Variants in VAX2 observed in about 807,000 individuals in gnomAD.
VAX2 encodes ventral anterior homeobox 2.
Under a neutral mutation model 12.5 loss-of-function variants are expected in VAX2, and 8 were observed. That is an observed-to-expected ratio of 0.64 (90% CI 0.37 to 1.15). The LOEUF is 1.15. VAX2 is among the 50% of genes most tolerant of loss of function. The pLI, the probability that VAX2 is intolerant of heterozygous loss-of-function variation, is 0.01. For missense variants in VAX2, 476 were observed against 412.9 expected (o/e 1.15, Z -1.32); for synonymous variants, 183 against 187.6 (o/e 0.98, Z 0.20).
chr2:70,905,894 G>A (rs1406982076), intron 1 of VAX2, among the ~76,000 whole-genome samples: 1 of 152,238 alleles, frequency 6.6e-6, no homozygotes. Flanking sequence ...GGGTGTCTAT[G>A]CATCACGTTG....
chr2:70,933,275 C>T lies in VAX2; in HGVS notation c.*71C>T. 7.2e-7 allele frequency: 1 copy of T among 1,393,362 alleles called. No individual in the cohort carries two copies. 86.3% of individuals were successfully genotyped at this position (1,393,362 alleles called of 1,614,324 possible). A position where few individuals can be genotyped will look rare whatever the true frequency, so the allele number is the denominator to read the frequency against. On this transcript the variant is annotated 3_prime_UTR_variant, in exon 3 of 3. Transcript: ENST00000234392. Reference sequence around the variant, plus strand: ...GTCTCCTGTGCCCCAGCGGACAGCACTGAGCAGGCCCCGGAGAGGAGGGGC... The same window carrying T: ...GTCTCCTGTGCCCCAGCGGACAGCATTGAGCAGGCCCCGGAGAGGAGGGGC...
chr2:70,906,219 C>T (rs61014031), intron 1 of VAX2, among the ~76,000 whole-genome samples: 3,427 of 152,290 alleles, frequency 0.023, 140 homozygotes, highest in African/African-American at 0.078. Context: ...TTCCTCATAC[C>T]CCCAACCCAG....
chr2:70,917,036 A>G (rs1679319850), intron 1 of VAX2, among the ~76,000 whole-genome samples: 1 of 151,642 alleles, frequency 6.6e-6, no homozygotes, highest in Admixed American at 6.6e-5. Flanking sequence ...CTGTAATCCC[A>G]GCTACTTAGG....
chr2:70,903,984 G>A (rs912801216), intron 1 of VAX2, among the ~76,000 whole-genome samples: 1 of 152,190 alleles, frequency 6.6e-6, no homozygotes. Context: ...GAGCCAAAGA[G>A]GCCAAACGTG....
intron 1 of VAX2, among the ~76,000 whole-genome samples, chr2:70,918,863 CAAAAAA>C (rs531465293): frequency 2.0e-5 from 2 of 99,458 alleles, no homozygotes; most frequent in Non-Finnish European, 3.9e-5. Context: ...CCAGCCGTCT[CAAAAAA>C]AAAAAAAAAA....
chr2:70,908,077 TTGAC>T (rs1679099533), intron 1 of VAX2, among the ~76,000 whole-genome samples: 1 of 152,254 alleles, frequency 6.6e-6, no homozygotes, highest in Non-Finnish European at 1.5e-5. Flanking sequence ...TTCTAGACCT[TTGAC>T]TGTTTCTGTG....
chr2:70,911,859 CTG>C (rs1347999464), intron 1 of VAX2, among the ~76,000 whole-genome samples: 3 of 152,350 alleles, frequency 2.0e-5, no homozygotes, highest in Admixed American at 6.5e-5. Flanking sequence ...TTCTCCCCAT[CTG>C]TCTCTTACCC....
At chr2:70,910,250 C>T (rs189797842) in intron 1 of VAX2, among the ~76,000 whole-genome samples, 5 of 152,148 alleles carry the variant, frequency 3.3e-5, no homozygotes, top group South Asian at 2.1e-4. Flanking sequence ...ATAGGTATAT[C>T]GGAGCTCATT....
intron 2 of VAX2, among the ~76,000 whole-genome samples, chr2:70,929,142 C>T (rs1318091468): frequency 6.6e-6 from 1 of 152,238 alleles, no homozygotes; most frequent in African/African-American, 2.4e-5. Context: ...TTTCTTCTTT[C>T]CAGTCATTGC....
intron 2 of VAX2, among the ~76,000 whole-genome samples, chr2:70,923,856 G>A (rs1679513448): frequency 6.6e-6 from 1 of 152,200 alleles, no homozygotes; most frequent in South Asian, 2.1e-4. Context: ...AGGCCGGCCT[G>A]GCACAGTGGC....
At position 70,932,287 on chromosome 2, in the gene VAX2, A is replaced by G. The variant is rs1337605665; in HGVS notation, c.436-480A>G. Among the ~76,000 whole-genome samples the G allele has an allele frequency of 2.6e-5, 4 of 152,090 alleles. No individual in the cohort carries two copies. In the East Asian group the frequency reaches 7.7e-4, roughly 29 times the overall value. ...TGGGGTTTGGGGTGTTTTTTGAGATATCCATGGGGAGATGTCTAGCAGGCA... is the reference window on the plus strand; with the variant it reads ...TGGGGTTTGGGGTGTTTTTTGAGATGTCCATGGGGAGATGTCTAGCAGGCA... On this transcript the variant is annotated intron_variant, in intron 2 of 2. Coordinates refer to ENST00000234392, the MANE Select transcript of VAX2 (RefSeq NM_012476.3).
intron 1 of VAX2, among the ~76,000 whole-genome samples, chr2:70,903,411 A>G (rs1357598001): frequency 6.6e-6 from 1 of 152,014 alleles, no homozygotes; most frequent in Non-Finnish European, 1.5e-5. Context: ...CCTCCACCTA[A>G]GGGCATACCA....
chr2:70,930,630 A>G (rs1375003014), intron 2 of VAX2, among the ~76,000 whole-genome samples: 3 of 152,210 alleles, frequency 2.0e-5, no homozygotes, highest in African/African-American at 4.8e-5. Context: ...CCTTTGCTGA[A>G]GGGCCAGTCA....
intron 2 of VAX2, among the ~76,000 whole-genome samples, chr2:70,922,669 G>A (rs951879480): frequency 2.0e-5 from 3 of 152,044 alleles, no homozygotes; most frequent in African/African-American, 7.3e-5. Flanking sequence ...CAGGCCGGGA[G>A]GAGGGGAAGG....
chr2:70,901,502 G>A (rs544277418), intron 1 of VAX2, among the ~76,000 whole-genome samples: 3 of 152,228 alleles, frequency 2.0e-5, no homozygotes, highest in Non-Finnish European at 4.4e-5. Flanking sequence ...CCTTCCCGCG[G>A]CCTGGCCTTT....
rs533577878 is a variant in VAX2 at position 70,927,807 on chromosome 2, G to A, written c.436-4960G>A. ...TCACAGTGTGGCCCAGCAAGAGATC[G>A]CGGAGGGGGGCGGGGCAGCCACCAA... On this transcript the variant is annotated intron_variant, in intron 2 of 2. Transcript: ENST00000234392. Among the ~76,000 whole-genome samples, 3 of 152,136 alleles carry A rather than the reference G, an allele frequency of 2.0e-5. No individual in the cohort carries two copies. In the East Asian group the frequency reaches 5.8e-4, roughly 30 times the overall value.
chr2:70,920,874 A>C (rs1428692608), intron 1 of VAX2, among the ~76,000 whole-genome samples: 1 of 152,116 alleles, frequency 6.6e-6, no homozygotes, highest in African/African-American at 2.4e-5. Flanking sequence ...AGTTGTACTG[A>C]GGCCTATTCA....
chr2:70,924,498 TAA>T (rs1334082479), intron 2 of VAX2, among the ~76,000 whole-genome samples: 1 of 152,060 alleles, frequency 6.6e-6, no homozygotes, highest in Non-Finnish European at 1.5e-5. Flanking sequence ...GCCCAGCCAA[TAA>T]GAGTATATTG....
At chr2:70,910,676 A>G (rs1024226746) in intron 1 of VAX2, among the ~76,000 whole-genome samples, 8 of 151,928 alleles carry the variant, frequency 5.3e-5, no homozygotes, top group Non-Finnish European at 7.4e-5. Flanking sequence ...CCATTTCTCT[A>G]TCGGATCACT....
Sources: gnomAD v4.1 joint callset for allele counts (sites outside exome capture counted in the v4.1 genomes callset) on GRCh38, gnomAD v4.1.1 for gene constraint, MANE v1.5 for transcripts, NCBI Gene and HGNC (gene_info 2026-07-23, HGNC 2026-07-21) for gene names.